The following WWOX variants were observed in gnomAD, a reference collection of about 807,000 sequenced individuals.
The protein encoded by WWOX is WW domain containing oxidoreductase.
WWOX carries 69 observed loss-of-function variants against 46.2 expected under a neutral mutation model. That is an observed-to-expected ratio of 1.49 (90% CI 1.23 to 1.82). The LOEUF (loss-of-function observed/expected upper bound fraction) is 1.82. Ranked by LOEUF, WWOX falls within the 40% of genes most tolerant of loss-of-function variation. The pLI is 0.00. For synonymous variants in WWOX, 359 were observed against 202.6 expected (o/e 1.77, Z -6.56); for missense variants, 919 against 542.6 (o/e 1.69, Z -6.89).
chr16:78,920,420 C>T (rs76777161), intron 8 of WWOX, among the ~76,000 whole-genome samples: 1 of 152,246 alleles, frequency 6.6e-6, no homozygotes, highest in East Asian at 1.9e-4. Context: ...TGTCCCAAGT[C>T]CTAAGGTCCC....
At chr16:78,552,370 G>T (rs142746034) in intron 8 of WWOX, 6 of 152,240 alleles carry the variant, frequency 3.9e-5, no homozygotes, top group Non-Finnish European at 8.8e-5. Context: ...GAATCTTAAT[G>T]AATAAAAGCA....
intron 6 of WWOX, among the ~76,000 whole-genome samples, chr16:78,396,475 A>G (rs955142152): frequency 6.6e-6 from 1 of 152,194 alleles, no homozygotes; most frequent in African/African-American, 2.4e-5. Context: ...AATCAAAGTC[A>G]TATATGTAAA....
intron 8 of WWOX, among the ~76,000 whole-genome samples, chr16:79,170,138 T>A (rs2050672254): frequency 1.3e-5 from 2 of 152,210 alleles, no homozygotes. Context: ...GTTGCTATCA[T>A]GTCCTTCAAT....
chr16:78,271,494 C>A (rs1207555988), intron 5 of WWOX, among the ~76,000 whole-genome samples: 1 of 152,308 alleles, frequency 6.6e-6, no homozygotes, highest in East Asian at 1.9e-4. Context: ...GAGCCAACCA[C>A]GAGAGCTTCA....
intron 8 of WWOX, among the ~76,000 whole-genome samples, chr16:78,844,509 G>A (rs1354820808): frequency 1.3e-5 from 2 of 152,002 alleles, no homozygotes; most frequent in African/African-American, 2.4e-5. Flanking sequence ...AAAACATCCC[G>A]AGCCCGAACA....
intron 5 of WWOX, among the ~76,000 whole-genome samples, chr16:78,246,571 T>C (rs1006022539): frequency 6.6e-5 from 10 of 152,224 alleles, no homozygotes; most frequent in African/African-American, 2.4e-4. Context: ...TAGCTGGTTT[T>C]TATGTCAGTT....
intron 8 of WWOX, among the ~76,000 whole-genome samples, chr16:79,130,797 C>T (rs1467497100): frequency 6.6e-6 from 1 of 152,208 alleles, no homozygotes; most frequent in African/African-American, 2.4e-5. Flanking sequence ...TGATCAAGTA[C>T]ATATGCTCCC....
chr16:78,757,521 A>C (rs1040611278), intron 8 of WWOX, among the ~76,000 whole-genome samples: 1 of 152,172 alleles, frequency 6.6e-6, no homozygotes, highest in Non-Finnish European at 1.5e-5. Context: ...TAAATTTTAC[A>C]GGTAGTTGGG....
chr16:78,461,798 G>C (rs1412305138), intron 8 of WWOX, among the ~76,000 whole-genome samples: 1 of 152,182 alleles, frequency 6.6e-6, no homozygotes, highest in Admixed American at 6.5e-5. Context: ...GGCTGGAGCA[G>C]TTTTTAATAC....
chr16:78,296,514 A>ATAT (rs921260099), intron 5 of WWOX, among the ~76,000 whole-genome samples: 1 of 150,474 alleles, frequency 6.6e-6, no homozygotes, highest in South Asian at 2.1e-4. Flanking sequence ...ATATGTATAT[A>ATAT]TATTATTATT....
chr16:78,737,968 A>G (rs1041237296), intron 8 of WWOX, among the ~76,000 whole-genome samples: 2 of 152,154 alleles, frequency 1.3e-5, no homozygotes, highest in Non-Finnish European at 2.9e-5. Context: ...AGAGAAAGGC[A>G]CCAACATGAG....
chr16:78,473,778 C>T (rs548363805), intron 8 of WWOX, among the ~76,000 whole-genome samples: 10 of 152,200 alleles, frequency 6.6e-5, no homozygotes, highest in Non-Finnish European at 8.8e-5. Flanking sequence ...ATACGGCAGC[C>T]CACCAGTGGT....
intron 8 of WWOX, among the ~76,000 whole-genome samples, chr16:79,080,171 C>T (rs988840472): frequency 1.3e-5 from 2 of 152,094 alleles, no homozygotes; most frequent in African/African-American, 4.8e-5. Context: ...GATGATGCAT[C>T]AGGATACCAG....
At chr16:79,081,642 A>G (rs563206514) in intron 8 of WWOX, among the ~76,000 whole-genome samples, 74 of 152,262 alleles carry the variant, frequency 4.9e-4, no homozygotes, top group African/African-American at 1.8e-3. Flanking sequence ...TCACTGCATT[A>G]TATTTGAGTG....
At chr16:79,207,787 GCT>G (rs1491540656) in intron 8 of WWOX, among the ~76,000 whole-genome samples, 1 of 91,800 alleles carries the variant, frequency 1.1e-5, no homozygotes, top group African/African-American at 3.0e-5. Context: ...ATATGTGGGT[GCT>G]TTTTTTTTCT....
In WWOX at chr16:78,593,623, G is replaced by A. The variant is rs1049486498; in HGVS notation, c.1056+160871G>A. 2.6e-5 allele frequency among the ~76,000 whole-genome samples: 4 copies of A among 152,116 alleles called. 1 individual carries two copies. Among genetic ancestry groups the A allele is most frequent in the Non-Finnish European group, 5.9e-5 (4 of 68,038 alleles). On this transcript the variant is annotated intron_variant, in intron 8 of 8. Transcript: ENST00000566780. ...GGGACTTTGCTGCCACAGTTGACAG[G>A]GGGAGGTATTTGCATAACTTCACCA...
chr16:78,219,196 C>T lies in WWOX; in HGVS notation c.516+54907C>T, dbSNP rs201365883. ...TGTGTAACTCTTAAATTAAGTGGAG[C>T]AGAGTTAAAAAAAAAAAATCACTGG... On this transcript the variant is annotated intron_variant, in intron 5 of 8. Coordinates refer to ENST00000566780, the MANE Select transcript of WWOX (RefSeq NM_016373.4). 3.0e-4 allele frequency among the ~76,000 whole-genome samples: 44 copies of T among 148,468 alleles called. No individual in the cohort carries two copies. The East Asian group carries it at 7.7e-3, about 26-fold the overall frequency.
rs373340846 is a variant in WWOX, at chr16:78,823,544, A to T, written c.1057-388064A>T. Among the ~76,000 whole-genome samples, 39 of 152,346 alleles carry T rather than the reference A, an allele frequency of 2.6e-4. No homozygotes were observed. The South Asian group carries it at 7.5e-3, about 29-fold the overall frequency. ...TGTGTAATCGCATATAGCATTCTAA[A>T]GATGTTCCATTCATTCAGCAAATGT... is the stretch of plus-strand genomic sequence containing the variant. On this transcript the variant is annotated intron_variant, in intron 8 of 8. Transcript: ENST00000566780.
Position 78,938,598 on chromosome 16 carries a change from A to G in WWOX, c.1057-273010A>G, listed in dbSNP as rs572596981. 5.9e-5 allele frequency among the ~76,000 whole-genome samples: 9 copies of G among 152,182 alleles called. No individual in the cohort carries two copies. The South Asian group carries it at 1.9e-3, about 32-fold the overall frequency. Reference sequence around the variant, plus strand: ...CAAATATTAAGAGTCGTCTCTGGGCATTTTAGTTTATTCATTCATTTGTTC... The same window carrying G: ...CAAATATTAAGAGTCGTCTCTGGGCGTTTTAGTTTATTCATTCATTTGTTC... On this transcript the variant is annotated intron_variant, in intron 8 of 8. Transcript: ENST00000566780.
Sources: allele counts gnomAD v4.1 joint callset (sites outside exome capture counted in the v4.1 genomes callset), GRCh38; gene constraint gnomAD v4.1.1; transcripts MANE v1.5; gene names NCBI Gene and HGNC (gene_info 2026-07-23, HGNC 2026-07-21).